The following PARD3 variants were observed in gnomAD, a reference collection of about 807,000 sequenced individuals.
The protein encoded by PARD3 is par-3 family cell polarity regulator, also known as partitioning defective 3 homolog.
PARD3 carries 75 observed loss-of-function variants against 155.4 expected under a neutral mutation model. That is an observed-to-expected ratio of 0.48 (90% CI 0.40 to 0.58). The LOEUF is 0.58. Among genes scored for constraint, PARD3 ranks in the 20% least tolerant of loss-of-function variants. The pLI is 0.00. For synonymous variants in PARD3, 576 were observed against 610.5 expected, an observed-to-expected ratio of 0.94 and a Z score of 0.83; for missense variants, 1,642 against 1,721.7, an observed-to-expected ratio of 0.95 and a Z score of 0.82.
intron 1 of PARD3, among the ~76,000 whole-genome samples, chr10:34,746,820 G>C (rs1199027055): frequency 6.6e-6 from 1 of 152,132 alleles, no homozygotes; most frequent in Non-Finnish European, 1.5e-5. Context: ...ACATAAATAA[G>C]TTTCTGTGAC....
chr10:34,282,898 G>GA (rs888302198), intron 21 of PARD3, among the ~76,000 whole-genome samples: 39 of 152,206 alleles, frequency 2.6e-4, no homozygotes, highest in South Asian at 6.2e-4. Flanking sequence ...ATGAGGATTA[G>GA]AAAGAGTCCT....
intron 20 of PARD3, among the ~76,000 whole-genome samples, chr10:34,308,135 G>A (rs911244545): frequency 6.6e-6 from 1 of 152,162 alleles, no homozygotes; most frequent in Non-Finnish European, 1.5e-5. Context: ...AGTTACTGAA[G>A]GAAAGAGCGG....
At chr10:34,461,128 T>C (rs921512991) in intron 4 of PARD3, among the ~76,000 whole-genome samples, 11 of 152,220 alleles carry the variant, frequency 7.2e-5, no homozygotes, top group Middle Eastern at 6.8e-3. Flanking sequence ...AGCAGGAATA[T>C]ATGCAAAATT....
chr10:34,794,106 C>T (rs533867158), intron 1 of PARD3, among the ~76,000 whole-genome samples: 8 of 150,896 alleles, frequency 5.3e-5, no homozygotes, highest in Admixed American at 4.6e-4. Context: ...CCACAGTCAG[C>T]GGGGGGTGGG....
intron 12 of PARD3, among the ~76,000 whole-genome samples, chr10:34,369,299 GATTTATTTATTTATTTGTTTATTT>G (rs1194501605): frequency 1.5e-4 from 20 of 134,828 alleles, no homozygotes; most frequent in Admixed American, 8.5e-4. Context: ...AGATTTTTGT[GATTTATTTATTTATTTGTTTATTT>G]ATTTATTTAT....
intron 2 of PARD3, among the ~76,000 whole-genome samples, chr10:34,573,740 C>A (rs770611215): frequency 8.4e-5 from 2 of 23,764 alleles, no homozygotes; most frequent in African/African-American, 2.3e-4. Context: ...AACAAAAACA[C>A]ACACACACAC....
intron 20 of PARD3, among the ~76,000 whole-genome samples, chr10:34,288,686 T>C (rs1186608512): frequency 6.6e-6 from 1 of 152,212 alleles, no homozygotes; most frequent in Non-Finnish European, 1.5e-5. Context: ...ATATCAATTA[T>C]TTGTATGTTA....
intron 3 of PARD3, among the ~76,000 whole-genome samples, chr10:34,504,559 A>G (rs1331129817): frequency 2.0e-5 from 3 of 152,260 alleles, no homozygotes; most frequent in African/African-American, 7.2e-5. Flanking sequence ...CCATGAATTA[A>G]TAAACTGATT....
intron 2 of PARD3, among the ~76,000 whole-genome samples, chr10:34,688,551 C>A (rs1315999889): frequency 2.6e-5 from 4 of 152,152 alleles, no homozygotes. Context: ...ATCACTGTTC[C>A]AGAAACACAG....
At chr10:34,129,700 C>CTTTTTTTTTTTTTTTTTTTTTTTTTTTTT (rs1209547388) in intron 23 of PARD3, among the ~76,000 whole-genome samples, 1 of 82,986 alleles carries the variant, frequency 1.2e-5, no homozygotes, top group African/African-American at 4.6e-5. Context: ...TGTCAAGCCT[C>CTTTTTTTTTTTTTTTTTTTTTTTTTTTTT]TTTTTTTTTT....
At chr10:34,327,131 A>T (rs1159826316) in intron 19 of PARD3, among the ~76,000 whole-genome samples, 2 of 152,190 alleles carry the variant, frequency 1.3e-5, no homozygotes, top group Non-Finnish European at 2.9e-5. Flanking sequence ...CTGATTTATC[A>T]TGGGGAGGAG....
intron 14 of PARD3, among the ~76,000 whole-genome samples, chr10:34,357,256 T>C (rs751451497): frequency 2.0e-5 from 3 of 152,198 alleles, no homozygotes; most frequent in Non-Finnish European, 4.4e-5. Flanking sequence ...TAGCATTCAA[T>C]GTTTTCTGTG....
chr10:34,625,602 T>G (rs540150851), intron 2 of PARD3, among the ~76,000 whole-genome samples: 1 of 152,234 alleles, frequency 6.6e-6, no homozygotes, highest in Admixed American at 6.5e-5. Context: ...ATTGAAGGGA[T>G]TCAAAGTAAG....
At chr10:34,415,426 A>G (rs919470689) in intron 5 of PARD3, among the ~76,000 whole-genome samples, 8 of 152,212 alleles carry the variant, frequency 5.3e-5, no homozygotes, top group African/African-American at 1.9e-4. Flanking sequence ...ATAAAGTATC[A>G]ACACTCTGAA....
At chr10:34,424,346 G>A (rs2075476433) in intron 5 of PARD3, among the ~76,000 whole-genome samples, 1 of 152,062 alleles carries the variant, frequency 6.6e-6, no homozygotes, top group African/African-American at 2.4e-5. Flanking sequence ...ATAATAATCT[G>A]TTGGAAGAAA....
chr10:34,441,075 G>A (rs532187101), intron 5 of PARD3, among the ~76,000 whole-genome samples: 7 of 152,144 alleles, frequency 4.6e-5, no homozygotes, highest in East Asian at 3.9e-4. Flanking sequence ...AAGATGCCAC[G>A]GAAGCAAAAA....
At chr10:34,174,991 G>A (rs2133148601) in intron 22 of PARD3, among the ~76,000 whole-genome samples, 1 of 151,640 alleles carries the variant, frequency 6.6e-6, no homozygotes, top group East Asian at 1.9e-4. Flanking sequence ...CCAATTCATT[G>A]TATTTTAAAA....
intron 1 of PARD3, among the ~76,000 whole-genome samples, chr10:34,778,904 C>T (rs1190071787): frequency 6.6e-6 from 1 of 152,162 alleles, no homozygotes; most frequent in African/African-American, 2.4e-5. Context: ...CAAACAGCAG[C>T]TAACTGAGAA....
intron 2 of PARD3, among the ~76,000 whole-genome samples, chr10:34,565,704 T>C (rs1164721071): frequency 6.6e-6 from 1 of 152,174 alleles, no homozygotes; most frequent in Admixed American, 6.5e-5. Flanking sequence ...TGTTTTATCT[T>C]TATGGCATTC....
Sources: allele counts gnomAD v4.1 joint callset (sites outside exome capture counted in the v4.1 genomes callset), GRCh38; gene constraint gnomAD v4.1.1; transcripts MANE v1.5; gene names NCBI Gene and HGNC (gene_info 2026-07-23, HGNC 2026-07-21).